HCN4: variants seen among roughly 807,000 people sequenced by gnomAD.
HCN4 encodes hyperpolarization activated cyclic nucleotide gated potassium channel 4.
In HCN4, 29 loss-of-function variants were observed where a neutral mutation model predicts 76.9. That is an observed-to-expected ratio of 0.38 (90% CI 0.28 to 0.51). The LOEUF is 0.51. Ranked by LOEUF, HCN4 falls within the 20% of genes least tolerant of loss-of-function variation. The pLI is 0.90. For synonymous variants in HCN4, 772 were observed against 762.5 expected (o/e 1.01, Z -0.21); for missense variants, 1,416 against 1,715.2 (o/e 0.83, Z 3.08).
At chr15:73,338,297 C>T (rs2042978416) in intron 2 of HCN4, among the ~76,000 whole-genome samples, 1 of 152,208 alleles carries the variant, frequency 6.6e-6, no homozygotes, top group Non-Finnish European at 1.5e-5. Context: ...TTGGTTCTGA[C>T]TGCAGGGGTT....
chr15:73,329,822 G>T lies in HCN4; in HGVS notation c.1372-31C>A, dbSNP rs770291750. ...GACAGACGGATGGGTGGGGACAGTG[G>T]ATGAGAGGGAAGGCCCTTCTCACTA... On this transcript the variant is annotated intron_variant, in intron 3 of 7. Transcript: ENST00000261917. The T allele has an allele frequency of 5.1e-6, 8 of 1,572,456 alleles. No individual in the cohort carries two copies. The East Asian group carries it at 1.8e-4, about 35-fold the overall frequency.
chr15:73,333,943 C>A (rs531663535), intron 2 of HCN4, among the ~76,000 whole-genome samples: 1 of 152,326 alleles, frequency 6.6e-6, no homozygotes, highest in East Asian at 1.9e-4. Context: ...CCTGTAGCCA[C>A]CATATTAGAT....
rs562416239 is a variant in HCN4 at position 73,366,995 on chromosome 15, A to G, written c.785+491T>C. Among the ~76,000 whole-genome samples, 112 of 152,186 alleles carry G rather than the reference A, an allele frequency of 7.4e-4. 1 individual carries two copies. The highest frequency in any genetic ancestry group is 2.6e-3 in the African/African-American group (109 of 41,530). On this transcript the variant is annotated intron_variant, in intron 1 of 7. Coordinates refer to ENST00000261917, the MANE Select transcript of HCN4 (RefSeq NM_005477.3). ...CCCCAGTGACTTCGGTCCTCCAGGG[A>G]CCCGGCCGCAGCTTCCCAGGGCACC...
Position 73,352,655 on chromosome 15 carries a change from C to A in HCN4, c.786-8847G>T, listed in dbSNP as rs547856691. On this transcript the variant is annotated intron_variant, in intron 1 of 7. Coordinates refer to ENST00000261917, the MANE Select transcript of HCN4 (RefSeq NM_005477.3). The stretch of plus-strand genomic sequence containing the variant: ...AGCTGTGCAGGCGGTGGGAGCAGAA[C>A]CAACCACCCATAATAAGCCTCTCAT... 3.7e-4 allele frequency among the ~76,000 whole-genome samples: 57 copies of A among 152,180 alleles called. 1 individual carries two copies. In the South Asian group the frequency reaches 0.011, roughly 30 times the overall value.
chr15:73,332,054 C>T lies in HCN4; in HGVS notation c.1371+77G>A, dbSNP rs2042936277. The T allele has an allele frequency of 3.4e-6, 5 of 1,454,402 alleles. No homozygotes were observed. The Admixed American group carries it at 8.4e-5, about 24-fold the overall frequency. 90.1% of individuals were successfully genotyped at this position (1,454,402 alleles called of 1,614,324 possible). Reference sequence around the variant, plus strand: ...CCTACATGCTGGAACTCAGAAGTTCCAAGTCCACATCTCGCCACCCTACCT... The same window carrying T: ...CCTACATGCTGGAACTCAGAAGTTCTAAGTCCACATCTCGCCACCCTACCT... On this transcript the variant is annotated intron_variant, in intron 3 of 7. Transcript: ENST00000261917.
At chr15:73,354,147 T>C (rs1435959726) in intron 1 of HCN4, among the ~76,000 whole-genome samples, 1 of 152,222 alleles carries the variant, frequency 6.6e-6, no homozygotes, top group African/African-American at 2.4e-5. Context: ...TGGGTGTACA[T>C]TTATTTTCCA....
Position 73,323,369 on chromosome 15 carries a change from G to A in HCN4, c.2724C>T (p.Gly908=), listed in dbSNP as rs1344494309. The A allele has an allele frequency of 1.3e-6, 2 of 1,580,566 alleles. No homozygotes were observed. Among genetic ancestry groups the A allele is most frequent in the South Asian group, 1.1e-5 (1 of 87,510 alleles). ...AGCCACCCAGCGCCTTGTGGAAGTG[G>A]CCAAACCCGGCTATGGTGGTGGCGG... ...GVAATTIAGF[G]HFHKALGGSL... is the part of the protein sequence containing the mutation. Residue 908 remains glycine, a synonymous_variant, in exon 8 of 8, where the codon GGC becomes GGT. Coordinates refer to ENST00000261917, the MANE Select transcript of HCN4 (RefSeq NM_005477.3).
At chr15:73,348,700 A>G (rs2043039801) in intron 1 of HCN4, among the ~76,000 whole-genome samples, 1 of 152,326 alleles carries the variant, frequency 6.6e-6, no homozygotes, top group East Asian at 1.9e-4. Flanking sequence ...CATGGAGGAC[A>G]GGGACCTTGT....
chr15:73,333,493 T>C (rs2042945264), intron 2 of HCN4, among the ~76,000 whole-genome samples: 1 of 152,136 alleles, frequency 6.6e-6, no homozygotes. Flanking sequence ...TGTCTACTGG[T>C]CTTCCAGCTA....
At chr15:73,324,768 C>T (rs1390543574) in intron 6 of HCN4, among the ~76,000 whole-genome samples, 187 bp downstream of exon 6, 2 of 152,202 alleles carry the variant, frequency 1.3e-5, no homozygotes, top group Non-Finnish European at 1.5e-5. Context: ...GTTTACAAGC[C>T]ACCCAGTCTG....
chr15:73,324,014 G>T, intron 7 of HCN4, 65 bp from the exon 8 acceptor site: 1 of 1,612,102 alleles, frequency 6.2e-7, no homozygotes, highest in South Asian at 1.1e-5. Flanking sequence ...TGCAGACCTG[G>T]CTTAGGCATA....
intron 2 of HCN4, chr15:73,341,069 G>GGGGTGTGTGTGTGTGTGTGTGT (rs1491312112): frequency 6.9e-5 from 10 of 145,900 alleles, no homozygotes; most frequent in East Asian, 4.0e-4. Flanking sequence ...GAGGGAGGTA[G>GGGGTGTGTGTGTGTGTGTGTGT]GTGTGTGTGT....
chr15:73,330,783 T>C (rs1362949365), intron 3 of HCN4, among the ~76,000 whole-genome samples: 1 of 152,206 alleles, frequency 6.6e-6, no homozygotes, highest in Non-Finnish European at 1.5e-5. Context: ...AGCTGGCTCC[T>C]TGGGTCTGAT....
intron 1 of HCN4, among the ~76,000 whole-genome samples, chr15:73,365,466 C>T (rs998213855): frequency 2.6e-5 from 4 of 152,204 alleles, no homozygotes; most frequent in Non-Finnish European, 5.9e-5. Flanking sequence ...TCCCCGCTTC[C>T]CTATCCCCAC....
rs1170488225 is a variant in HCN4, at chr15:73,328,083, T to C, written c.1590+1490A>G. 6.6e-6 allele frequency among the ~76,000 whole-genome samples: 1 copy of C among 152,154 alleles called. No homozygotes were observed. Among genetic ancestry groups the C allele is most frequent in the African/African-American group, 2.4e-5 (1 of 41,434 alleles). On this transcript the variant is annotated intron_variant, in intron 4 of 7. Coordinates refer to ENST00000261917, the MANE Select transcript of HCN4 (RefSeq NM_005477.3). The surrounding 1 kb of genome is among the most constrained non-coding windows in gnomAD (Gnocchi z 4.0). ...AGGGAAGGTGGGTTTGTTAAACAGA[T>C]GGCTGCCTATGGTTAATTACATCAC...
At chr15:73,342,820 C>T (rs1156987659) in intron 2 of HCN4, among the ~76,000 whole-genome samples, 1 of 152,204 alleles carries the variant, frequency 6.6e-6, no homozygotes, top group Non-Finnish European at 1.5e-5. Context: ...TGCTATAGAT[C>T]TAGCAACCCT....
chr15:73,337,085 CCTCCAG>C (rs1428405296), intron 2 of HCN4, among the ~76,000 whole-genome samples: 1 of 152,216 alleles, frequency 6.6e-6, no homozygotes, highest in African/African-American at 2.4e-5. Context: ...CTGCGTGCTG[CCTCCAG>C]CTCCTTCTTG....
intron 2 of HCN4, among the ~76,000 whole-genome samples, chr15:73,334,393 C>A (rs1199333002): frequency 2.0e-5 from 3 of 152,058 alleles, no homozygotes; most frequent in Non-Finnish European, 4.4e-5. Flanking sequence ...ATCCTAAGAC[C>A]GTGAGGCTCT....
rs1386804407 is a variant in HCN4 at position 73,321,460 on chromosome 15, T to C, written c.*1021A>G. The C allele has an allele frequency of 6.6e-6, 1 of 152,376 alleles. No individual in the cohort carries two copies. Among genetic ancestry groups the C allele is most frequent in the African/African-American group, 2.4e-5 (1 of 41,460 alleles). 9.4% of individuals were successfully genotyped at this position (152,376 alleles called of 1,614,324 possible). ...GGGGAGAATCAAAGTACCCACCCCA[T>C]GGTCTTTGTGAAACTGAAGGAGTTA... On this transcript the variant is annotated 3_prime_UTR_variant, in exon 8 of 8. Transcript: ENST00000261917.
Sources: gnomAD v4.1 joint callset for allele counts (sites outside exome capture counted in the v4.1 genomes callset) on GRCh38, gnomAD v4.1.1 for gene constraint, Gnocchi (gnomAD v3.1) non-coding constraint, MANE v1.5 for transcripts, NCBI Gene and HGNC (gene_info 2026-07-23, HGNC 2026-07-21) for gene names.